Variants in DCLK1 observed in about 807,000 individuals in gnomAD.
The protein encoded by DCLK1 is serine/threonine-protein kinase DCLK1.
A neutral mutation model predicts 86.2 loss-of-function variants in DCLK1; 16 were observed. The ratio of observed to expected loss-of-function variants is 0.19; its 90% CI spans 0.13 to 0.28. The LOEUF (loss-of-function observed/expected upper bound fraction) is 0.28. Among genes scored for constraint, DCLK1 ranks in the 10% least tolerant of loss-of-function variants. DCLK1 has a pLI of 1.00. For synonymous variants in DCLK1, 369 were observed against 370.5 expected (o/e 1.00, Z 0.05); for missense variants, 590 against 940.2 (o/e 0.63, Z 4.87).
At chr13:35,898,589 G>A (rs1025637703) in intron 4 of DCLK1, among the ~76,000 whole-genome samples, 4 of 152,148 alleles carry the variant, frequency 2.6e-5, no homozygotes, top group Admixed American at 2.0e-4. Flanking sequence ...TGATTTAAAG[G>A]AAATTGTGAA....
chr13:36,044,633 C>A (rs776781399), intron 3 of DCLK1, among the ~76,000 whole-genome samples: 12 of 151,962 alleles, frequency 7.9e-5, no homozygotes, highest in Non-Finnish European at 1.6e-4. Context: ...GCAAAAAGAG[C>A]AAATTTTGCA....
chr13:36,032,928 A>G (rs1248180298), intron 3 of DCLK1, among the ~76,000 whole-genome samples: 2 of 152,160 alleles, frequency 1.3e-5, no homozygotes, highest in Admixed American at 1.3e-4. Flanking sequence ...ACAAACAAAC[A>G]AGCAAGCAAA....
Position 35,866,764 on chromosome 13 carries a change from A to G in DCLK1, c.940+4460T>C, listed in dbSNP as rs540626496. The stretch of plus-strand genomic sequence containing the variant: ...GGTAGTTGGGTTTGGGGCAATACCA[A>G]TGTTTATGGAGTATTTAAGTAAAAT... On this transcript the variant is annotated intron_variant, in intron 5 of 16. Transcript: ENST00000360631. Among the ~76,000 whole-genome samples the G allele has an allele frequency of 6.6e-5, 10 of 152,280 alleles. No homozygotes were observed. In the South Asian group the frequency reaches 1.5e-3, roughly 22 times the overall value.
At chr13:36,029,755 A>T (rs919494622) in intron 3 of DCLK1, among the ~76,000 whole-genome samples, 7 of 152,154 alleles carry the variant, frequency 4.6e-5, no homozygotes, top group African/African-American at 7.2e-5. Context: ...GAAAAACAAG[A>T]TCTGTTCCAC....
intron 3 of DCLK1, among the ~76,000 whole-genome samples, chr13:35,958,138 C>CCAT (rs1321396520): frequency 2.9e-5 from 4 of 138,978 alleles, no homozygotes; most frequent in African/African-American, 5.6e-5. Flanking sequence ...ACTACTATAA[C>CCAT]CACCACCACC....
intron 4 of DCLK1, among the ~76,000 whole-genome samples, chr13:35,900,484 C>G (rs7998776): frequency 0.09 from 13,651 of 152,138 alleles, 752 homozygotes; most frequent in African/African-American, 0.15. Context: ...TCAAGTGATT[C>G]GCCAGCCTCA....
chr13:35,920,842 C>G lies in DCLK1; in HGVS notation c.823+26516G>C, dbSNP rs140756671. ...CCCAATTGCTTCTCCCTGTCACCACCCGATGTGGCCCCCAGCAAGGAAATT... is the reference window on the plus strand; with the variant it reads ...CCCAATTGCTTCTCCCTGTCACCACGCGATGTGGCCCCCAGCAAGGAAATT... On this transcript the variant is annotated intron_variant, in intron 4 of 16. Coordinates refer to ENST00000360631, the MANE Select transcript of DCLK1 (RefSeq NM_001330071.2). Among the ~76,000 whole-genome samples the G allele has an allele frequency of 1.2e-4, 19 of 152,210 alleles. No homozygotes were observed. In the East Asian group the frequency reaches 3.7e-3, roughly 29 times the overall value.
At chr13:35,841,058 A>T (rs1481695568) in intron 6 of DCLK1, among the ~76,000 whole-genome samples, 1 of 152,076 alleles carries the variant, frequency 6.6e-6, no homozygotes, top group East Asian at 1.9e-4. Context: ...TACAATGTAG[A>T]CCTTCTCTTC....
At chr13:35,980,961 G>T (rs1318088063) in intron 3 of DCLK1, among the ~76,000 whole-genome samples, 2 of 152,028 alleles carry the variant, frequency 1.3e-5, no homozygotes, top group Non-Finnish European at 2.9e-5. Context: ...CCCAGCCCTA[G>T]TCCTGAATAT....
intron 16 of DCLK1, among the ~76,000 whole-genome samples, chr13:35,786,761 A>G (rs1178611791): frequency 2.0e-5 from 3 of 152,180 alleles, no homozygotes; most frequent in African/African-American, 7.2e-5. Flanking sequence ...TTCTCCCTCC[A>G]AAATAAGGTC....
rs202079488 is a variant in DCLK1 at position 36,037,672 on chromosome 13, C to T, written c.723+74197G>A. Among the ~76,000 whole-genome samples the T allele has an allele frequency of 1.3e-4, 19 of 151,934 alleles. 1 individual carries two copies. In the East Asian group the frequency reaches 2.3e-3, roughly 19 times the overall value. ...TTAATTTTTGTATTTTTAGTAGAGA[C>T]GGAGTTTCACCATGTTGGCCAGGCT... On this transcript the variant is annotated intron_variant, in intron 3 of 16. Transcript: ENST00000360631.
chr13:35,826,344 A>G (rs1868428841), intron 10 of DCLK1, among the ~76,000 whole-genome samples: 1 of 150,576 alleles, frequency 6.6e-6, no homozygotes, highest in South Asian at 2.1e-4. Context: ...ACCAACATGG[A>G]GAAATCCCAT....
intron 6 of DCLK1, among the ~76,000 whole-genome samples, chr13:35,842,122 G>T (rs574394533): frequency 6.6e-6 from 1 of 151,162 alleles, no homozygotes; most frequent in African/African-American, 2.4e-5. Context: ...CCAGCTAATC[G>T]GGAGGCTGAG....
chr13:35,907,255 C>T (rs552953285), intron 4 of DCLK1, among the ~76,000 whole-genome samples: 85 of 152,276 alleles, frequency 5.6e-4, no homozygotes, highest in African/African-American at 1.9e-3. Flanking sequence ...CTTGACCTCT[C>T]GGACTCAAGT....
chr13:35,944,431 A>C (rs1877253929), intron 4 of DCLK1, among the ~76,000 whole-genome samples: 1 of 152,198 alleles, frequency 6.6e-6, no homozygotes, highest in Non-Finnish European at 1.5e-5. Context: ...ATCGATGTGC[A>C]AATACCACTT....
At chr13:35,929,691 C>T (rs909887028) in intron 4 of DCLK1, among the ~76,000 whole-genome samples, 1 of 152,162 alleles carries the variant, frequency 6.6e-6, no homozygotes, top group Admixed American at 6.5e-5. Context: ...GACAGCACTG[C>T]CACTTTTCTT....
chr13:35,968,020 A>C (rs576091807), intron 3 of DCLK1, among the ~76,000 whole-genome samples: 2 of 152,144 alleles, frequency 1.3e-5, no homozygotes. Flanking sequence ...ACTCCGTCTC[A>C]AAAATAAATA....
chr13:36,015,834 T>C (rs1013726621), intron 3 of DCLK1, among the ~76,000 whole-genome samples: 3 of 152,206 alleles, frequency 2.0e-5, no homozygotes, highest in African/African-American at 7.2e-5. Context: ...CAGGCCCTCA[T>C]TGTATTTATT....
chr13:35,997,911 T>A (rs983704156), intron 3 of DCLK1, among the ~76,000 whole-genome samples: 8 of 152,178 alleles, frequency 5.3e-5, no homozygotes, highest in African/African-American at 1.7e-4. Context: ...TTACTGATAT[T>A]TAATATAAAG....
Sources: allele counts gnomAD v4.1 joint callset (sites outside exome capture counted in the v4.1 genomes callset), GRCh38; gene constraint gnomAD v4.1.1; transcripts MANE v1.5; gene names NCBI Gene and HGNC (gene_info 2026-07-23, HGNC 2026-07-21).